The following LMNB1 variants were observed in gnomAD, a reference collection of about 807,000 sequenced individuals.
LMNB1 encodes the protein lamin B1.
LMNB1 carries 23 observed loss-of-function variants against 67.1 expected under a neutral mutation model. That is an observed-to-expected ratio of 0.34 (90% CI 0.25 to 0.49). The LOEUF is 0.49. LMNB1 is among the 20% of genes least tolerant of loss of function. LMNB1 has a pLI of 0.99. For missense variants in LMNB1, 634 were observed against 746.5 expected (o/e 0.85, Z 1.76); for synonymous variants, 281 against 282.9 (o/e 0.99, Z 0.07).
At position 126,785,501 on chromosome 5, in the gene LMNB1, A is replaced by G. The variant is rs1298325970; in HGVS notation, c.359+7634A>G. Among the ~76,000 whole-genome samples the G allele has an allele frequency of 5.4e-4, 53 of 98,466 alleles. 1 individual carries two copies. The highest frequency in any genetic ancestry group is 2.0e-3 in the African/African-American group (51 of 25,894). The allele number at this position is 98,466 out of a possible 152,430, so 64.6% of individuals were successfully genotyped here. ...TTTTCTTTTTTTTTTTTTGTATTTT[A>G]GTAGAGACGAGGTTTCACCAGGTTG... On this transcript the variant is annotated intron_variant, in intron 1 of 10. Transcript: ENST00000261366.
chr5:126,821,032 G>A lies in LMNB1; in HGVS notation c.1283G>A (p.Ser428Asn). ...GATGTGGAAGAATCAGAGGCGAGTA[G>A]TAGTGTTAGCATCTCTCATTCCGCC... ...RVDVEESEASSSVSISHSASA... is the reference protein window; with the variant it reads ...RVDVEESEASNSVSISHSASA... The change falls in exon 7 of 11, where the codon AGT becomes AAT. Residue 428 changes from serine (S) to asparagine (N), a missense_variant. Coordinates refer to ENST00000261366, the MANE Select transcript of LMNB1 (RefSeq NM_005573.4). The A allele has an allele frequency of 1.2e-6, 2 of 1,614,040 alleles. No individual in the cohort carries two copies. The highest frequency in any genetic ancestry group is 1.7e-6 in the Non-Finnish European group (2 of 1,179,914).
In LMNB1 at chr5:126,836,443, C is replaced by G. The variant is rs1031620320; in HGVS notation, c.*179C>G. 2.7e-5 allele frequency: 14 copies of G among 524,964 alleles called. No homozygotes were observed. The highest frequency in any genetic ancestry group is 4.1e-5 in the Non-Finnish European group (12 of 294,948). The allele number at this position is 524,964 out of a possible 1,614,324, so 32.5% of individuals were successfully genotyped here. A position where few individuals can be genotyped will look rare whatever the true frequency, so the allele number is the denominator to read the frequency against. The stretch of plus-strand genomic sequence containing the variant: ...GAAAGTTTTGTAAAAGAAATCATGT[C>G]CATACACTTTGTTGCAAGATGTGAA... On this transcript the variant is annotated 3_prime_UTR_variant, in exon 11 of 11. Transcript: ENST00000261366.
intron 3 of LMNB1, among the ~76,000 whole-genome samples, chr5:126,809,402 T>C (rs1751530714): frequency 1.3e-5 from 2 of 152,166 alleles, no homozygotes; most frequent in South Asian, 4.1e-4. Flanking sequence ...AAAATGGTTT[T>C]ATGGCTGGGC....
intron 1 of LMNB1, among the ~76,000 whole-genome samples, chr5:126,787,524 GTATATATA>G (rs1179342923): frequency 3.4e-5 from 3 of 87,676 alleles, no homozygotes; most frequent in Admixed American, 1.6e-4. Context: ...GTGTGTGGGG[GTATATATA>G]TATATATATA....
intron 1 of LMNB1, among the ~76,000 whole-genome samples, chr5:126,781,628 G>T (rs1031842740): frequency 5.9e-5 from 9 of 152,054 alleles, no homozygotes; most frequent in Non-Finnish European, 1.3e-4. Context: ...TAGAGACGGG[G>T]TTTCACCGTG....
intron 4 of LMNB1, among the ~76,000 whole-genome samples, chr5:126,811,061 C>G (rs1401358810): frequency 6.6e-6 from 1 of 152,180 alleles, no homozygotes; most frequent in Non-Finnish European, 1.5e-5. Flanking sequence ...TTAAACTGTT[C>G]ATGTTGCTTT....
intron 1 of LMNB1, among the ~76,000 whole-genome samples, chr5:126,783,088 A>G (rs1396032736): frequency 1.3e-5 from 2 of 151,590 alleles, no homozygotes; most frequent in African/African-American, 4.8e-5. Context: ...AATCCCAGCT[A>G]CTTTGGGAGG....
intron 1 of LMNB1, among the ~76,000 whole-genome samples, chr5:126,786,776 A>G (rs1323267928): frequency 6.6e-6 from 1 of 152,166 alleles, no homozygotes; most frequent in Non-Finnish European, 1.5e-5. Flanking sequence ...TGTAGCCTTC[A>G]AGGGAGGTAA....
chr5:126,823,734 G>T (rs1278518921), intron 8 of LMNB1, among the ~76,000 whole-genome samples: 1 of 152,120 alleles, frequency 6.6e-6, no homozygotes, highest in East Asian at 1.9e-4. Flanking sequence ...CTTTAAAAAG[G>T]TGTATTCAGA....
At chr5:126,810,136 C>T (rs545053157) in intron 3 of LMNB1, 44 bp from the exon 4 acceptor site, 2 of 1,571,264 alleles carry the variant, frequency 1.3e-6, no homozygotes, top group Admixed American at 1.7e-5. Flanking sequence ...ACCAATGCAG[C>T]CATGGTAAGT....
chr5:126,777,708 G>T lies in LMNB1; in HGVS notation c.200G>T (p.Arg67Leu). 6.5e-7 allele frequency: 1 copy of T among 1,544,842 alleles called. No individual in the cohort carries two copies. The highest frequency in any genetic ancestry group is 1.4e-5 in the African/African-American group (1 of 72,138). The part of the protein sequence containing the change: ...NSALQLQVTE[R>L]EEVRGRELTG... ...GCGCTGCAGCTGCAGGTGACGGAGC[G>T]CGAGGAGGTGCGCGGCCGTGAGCTC... is the stretch of plus-strand genomic sequence containing the variant. The change falls in exon 1 of 11, where the codon CGC becomes CTC. Residue 67 changes from arginine to leucine, a missense_variant. Transcript: ENST00000261366.
Position 126,787,524 on chromosome 5 carries a change from G to GTATA in LMNB1, c.359+9677_359+9680dup, listed in dbSNP as rs1179342923. The stretch of plus-strand genomic sequence containing the variant: ...TTATATATAACGTGTGTGTGTGGGG[G>GTATA]TATATATATATATATATATATATTT... On this transcript the variant is annotated intron_variant, in intron 1 of 10. Transcript: ENST00000261366. 2.9e-3 allele frequency among the ~76,000 whole-genome samples: 251 copies of GTATA among 87,494 alleles called. 2 individuals are homozygous for GTATA. The highest frequency in any genetic ancestry group is 4.3e-3 in the East Asian group (14 of 3,270). 57.4% of individuals were successfully genotyped at this position (87,494 alleles called of 152,430 possible). A position where few individuals can be genotyped will look rare whatever the true frequency, so the allele number is the denominator to read the frequency against.
chr5:126,836,451 TTTG>T lies in LMNB1; in HGVS notation c.*191_*193del. 1 of 513,180 alleles carries T rather than the reference TTTG, an allele frequency of 1.9e-6. No individual in the cohort carries two copies. Among genetic ancestry groups the T allele is most frequent in the Non-Finnish European group, 3.5e-6 (1 of 288,962 alleles). 31.8% of individuals were successfully genotyped at this position (513,180 alleles called of 1,614,324 possible). On this transcript the variant is annotated 3_prime_UTR_variant, in exon 11 of 11. Coordinates refer to ENST00000261366, the MANE Select transcript of LMNB1 (RefSeq NM_005573.4). ...TGTAAAAGAAATCATGTCCATACAC[TTTG>T]TTGCAAGATGTGAATTATTGACACT...
chr5:126,811,324 G>C (rs1386697403), intron 4 of LMNB1, among the ~76,000 whole-genome samples: 1 of 152,182 alleles, frequency 6.6e-6, no homozygotes, highest in African/African-American at 2.4e-5. Context: ...CTTCTGAAAG[G>C]AAGTGTTTCT....
chr5:126,778,061 G>T (rs1416226867), intron 1 of LMNB1, among the ~76,000 whole-genome samples, 194 bp downstream of exon 1: 3 of 152,322 alleles, frequency 2.0e-5, no homozygotes, highest in East Asian at 1.9e-4. Flanking sequence ...CGCGGAGGGG[G>T]CTCGAGCTGT....
rs70997312 is a variant in LMNB1 at position 126,786,112 on chromosome 5, CTT to C, written c.359+8264_359+8265del. 1.4e-3 allele frequency among the ~76,000 whole-genome samples: 145 copies of C among 106,650 alleles called. No homozygotes were observed. The Middle Eastern group carries it at 0.045, about 33-fold the overall frequency. The allele number at this position is 106,650 out of a possible 152,430, so 70.0% of individuals were successfully genotyped here. ...ACAGTAGATGCTTTACAGACATTAT[CTT>C]TTTTTTTTTTTTTTTTTTGATGCAG... is the stretch of plus-strand genomic sequence containing the variant. On this transcript the variant is annotated intron_variant, in intron 1 of 10. Coordinates refer to ENST00000261366, the MANE Select transcript of LMNB1 (RefSeq NM_005573.4).
At chr5:126,785,609 C>G (rs1198756438) in intron 1 of LMNB1, among the ~76,000 whole-genome samples, 1 of 151,878 alleles carries the variant, frequency 6.6e-6, no homozygotes, top group East Asian at 1.9e-4. Flanking sequence ...AGGTGTGAGC[C>G]ACGGTGCCAG....
intron 8 of LMNB1, among the ~76,000 whole-genome samples, chr5:126,825,776 A>G (rs1215901185): frequency 6.6e-6 from 1 of 152,122 alleles, no homozygotes; most frequent in African/African-American, 2.4e-5. Context: ...TCAGGGTCTT[A>G]TATATTATCA....
intron 10 of LMNB1, 31 bp from the exon 11 acceptor site, chr5:126,836,192 T>C: frequency 1.9e-6 from 3 of 1,538,858 alleles, no homozygotes; most frequent in Non-Finnish European, 2.7e-6. Context: ...ATTTCTTTAG[T>C]ATTAATTTTT....
Sources: allele counts gnomAD v4.1 joint callset (sites outside exome capture counted in the v4.1 genomes callset), GRCh38; gene constraint gnomAD v4.1.1; transcripts MANE v1.5; gene names NCBI Gene and HGNC (gene_info 2026-07-23, HGNC 2026-07-21).